MACROD2: variants seen among roughly 807,000 people sequenced by gnomAD.
MACROD2 encodes the protein ADP-ribose glycohydrolase MACROD2.
Under a neutral mutation model 70.4 loss-of-function variants are expected in MACROD2, and 36 were observed. That is an observed-to-expected ratio of 0.51 (90% CI 0.39 to 0.68). MACROD2 has a LOEUF of 0.68. MACROD2 is among the 30% of genes least tolerant of loss of function. The pLI is 0.00. For synonymous variants in MACROD2, 172 were observed against 178.8 expected (o/e 0.96, Z 0.30); for missense variants, 496 against 538.4 (o/e 0.92, Z 0.78).
In MACROD2 at chr20:14,294,430, T is replaced by C. The variant is rs535147845; in HGVS notation, c.272-199049T>C. ...GTGAGCAGTAATCATGAGGATAGGC[T>C]TGACTTGAGTTTGAATGGTACTGTT... On this transcript the variant is annotated intron_variant, in intron 3 of 17. Transcript: ENST00000684519. Among the ~76,000 whole-genome samples the C allele has an allele frequency of 5.9e-5, 9 of 151,704 alleles. No individual in the cohort carries two copies. In the South Asian group the frequency reaches 1.9e-3, roughly 32 times the overall value.
At chr20:15,931,513 G>T (rs949783174) in intron 10 of MACROD2, among the ~76,000 whole-genome samples, 1 of 151,992 alleles carries the variant, frequency 6.6e-6, no homozygotes, top group Non-Finnish European at 1.5e-5. Flanking sequence ...TTGGTGGCAT[G>T]TGCCTTGTAG....
At position 15,899,897 on chromosome 20, in the gene MACROD2, ATAATAT is replaced by A. The variant is rs541910082; in HGVS notation, c.775+14090_775+14095del. On this transcript the variant is annotated intron_variant, in intron 10 of 17. Coordinates refer to ENST00000684519, the MANE Select transcript of MACROD2 (RefSeq NM_001351661.2). ...CTATGCCAGTTTGAGGGATCTAATG[ATAATAT>A]TAAAGTTATTATTATTATTATTTTA... Among the ~76,000 whole-genome samples the A allele has an allele frequency of 6.6e-3, 1,005 of 152,286 alleles. 17 individuals are homozygous for A. Among genetic ancestry groups the A allele is most frequent in the Non-Finnish European group, 6.5e-3 (440 of 68,022 alleles).
chr20:15,635,276 C>A (rs2146759854), intron 8 of MACROD2, among the ~76,000 whole-genome samples: 1 of 152,296 alleles, frequency 6.6e-6, no homozygotes, highest in Non-Finnish European at 1.5e-5. Context: ...AATTGAGGAT[C>A]AGTGAGATAA....
chr20:14,160,634 T>C (rs777120109), intron 3 of MACROD2, among the ~76,000 whole-genome samples: 2 of 152,050 alleles, frequency 1.3e-5, no homozygotes, highest in Non-Finnish European at 2.9e-5. Context: ...GTATAGCAAG[T>C]AGCTTATCAA....
chr20:14,266,402 T>C (rs1364662024), intron 3 of MACROD2, among the ~76,000 whole-genome samples: 1 of 152,182 alleles, frequency 6.6e-6, no homozygotes, highest in Admixed American at 6.5e-5. Flanking sequence ...GATAAGGATA[T>C]AGAGAACTCT....
intron 9 of MACROD2, among the ~76,000 whole-genome samples, chr20:15,876,111 A>ATATATATATATATATATATATATATATG (rs1555789655): frequency 3.6e-5 from 5 of 138,842 alleles, no homozygotes; most frequent in African/African-American, 1.4e-4. Context: ...ATATATATAT[A>ATATATATATATATATATATATATATATG]TGTGTGTATT....
At chr20:15,352,835 G>A (rs1224058621) in intron 6 of MACROD2, among the ~76,000 whole-genome samples, 2 of 151,890 alleles carry the variant, frequency 1.3e-5, no homozygotes, top group Admixed American at 6.6e-5. Context: ...ACAAACCACT[G>A]CTCAATGAAA....
intron 7 of MACROD2, among the ~76,000 whole-genome samples, chr20:15,475,612 G>T (rs1324111845): frequency 6.6e-6 from 1 of 152,136 alleles, no homozygotes; most frequent in African/African-American, 2.4e-5. Flanking sequence ...GCCACACCCC[G>T]CAGTCATCCA....
rs140201050 is a variant in MACROD2 at position 14,127,267 on chromosome 20, C to T, written c.271+41539C>T. 6.2e-4 allele frequency: 153 copies of T among 246,238 alleles called. 1 individual carries two copies. The highest frequency in any genetic ancestry group is 1.0e-3 in the Non-Finnish European group (135 of 129,556). 15.3% of individuals were successfully genotyped at this position (246,238 alleles called of 1,614,324 possible). ...CTTATGCCATAGCCTAATTGTAAGG[C>T]CCTAACTCTCTTCAATACTGTGAAG... On this transcript the variant is annotated intron_variant, in intron 3 of 17. Transcript: ENST00000684519.
chr20:14,141,683 T>C (rs1677999531), intron 3 of MACROD2, among the ~76,000 whole-genome samples: 1 of 130,926 alleles, frequency 7.6e-6, no homozygotes. Flanking sequence ...AGGCGGAGGT[T>C]GCAGGGAGCC....
At chr20:14,089,842 G>T (rs62209493) in intron 3 of MACROD2, among the ~76,000 whole-genome samples, 20,116 of 152,094 alleles carry the variant, frequency 0.13, 1,744 homozygotes, top group Non-Finnish European at 0.19. Context: ...CCCAATGGTG[G>T]CTTTGTATAT....
At chr20:14,299,654 A>G (rs1019942791) in intron 3 of MACROD2, among the ~76,000 whole-genome samples, 11 of 152,196 alleles carry the variant, frequency 7.2e-5, no homozygotes, top group East Asian at 1.9e-4. Context: ...ATGCCTGTAC[A>G]TGGGAATTAT....
chr20:14,945,835 T>G (rs2074427096), intron 5 of MACROD2, among the ~76,000 whole-genome samples: 1 of 152,212 alleles, frequency 6.6e-6, no homozygotes, highest in Non-Finnish European at 1.5e-5. Context: ...TATACTCACA[T>G]AGAGTTTTAT....
chr20:15,074,741 T>C (rs1287058585), intron 5 of MACROD2, among the ~76,000 whole-genome samples: 1 of 152,148 alleles, frequency 6.6e-6, no homozygotes, highest in Non-Finnish European at 1.5e-5. Flanking sequence ...TGGAAGCCCC[T>C]CTCTCCCCCA....
chr20:14,046,439 TAGAC>T (rs1174736858), intron 2 of MACROD2, among the ~76,000 whole-genome samples: 2 of 152,222 alleles, frequency 1.3e-5, no homozygotes, highest in Non-Finnish European at 2.9e-5. Context: ...TGGGAACTCT[TAGAC>T]AGCTGGTAGA....
chr20:15,750,087 G>A (rs1333204506), intron 8 of MACROD2, among the ~76,000 whole-genome samples: 1 of 152,024 alleles, frequency 6.6e-6, no homozygotes, highest in Non-Finnish European at 1.5e-5. Flanking sequence ...AATAAGATTT[G>A]TAAACTATAC....
intron 6 of MACROD2, among the ~76,000 whole-genome samples, chr20:15,301,586 G>A (rs2077642809): frequency 9.7e-6 from 1 of 103,614 alleles, no homozygotes; most frequent in Non-Finnish European, 2.2e-5. Context: ...AAGATGGTAG[G>A]TGGCCTTTTT....
At chr20:14,444,102 A>C (rs973997623) in intron 3 of MACROD2, among the ~76,000 whole-genome samples, 1 of 152,174 alleles carries the variant, frequency 6.6e-6, no homozygotes, top group Admixed American at 6.5e-5. Flanking sequence ...ATTCATAAAA[A>C]CTATATAAAA....
intron 13 of MACROD2, among the ~76,000 whole-genome samples, chr20:15,971,353 G>A (rs776230972): frequency 5.3e-5 from 8 of 152,096 alleles, no homozygotes; most frequent in African/African-American, 1.7e-4. Context: ...AGGGGTGGGC[G>A]TTCCCATGCT....
Sources: allele counts gnomAD v4.1 joint callset (sites outside exome capture counted in the v4.1 genomes callset), GRCh38; gene constraint gnomAD v4.1.1; transcripts MANE v1.5; gene names NCBI Gene and HGNC (gene_info 2026-07-23, HGNC 2026-07-21).